The following ALOX5 variants were observed in gnomAD, a reference collection of about 807,000 sequenced individuals.
ALOX5 encodes the protein arachidonate 5-lipoxygenase, also known as polyunsaturated fatty acid 5-lipoxygenase.
ALOX5 carries 64 observed loss-of-function variants against 87.9 expected under a neutral mutation model. The observed-to-expected ratio is 0.73, with a 90% CI of 0.60 to 0.90. ALOX5 has a LOEUF of 0.90. ALOX5 is among the 40% of genes least tolerant of loss of function. The pLI is 0.00. For synonymous variants in ALOX5, 388 were observed against 355.1 expected (o/e 1.09, Z -1.04); for missense variants, 822 against 907.5 (o/e 0.91, Z 1.21).
At chr10:45,380,946 T>A (rs1026540266) in intron 1 of ALOX5, among the ~76,000 whole-genome samples, 1 of 152,090 alleles carries the variant, frequency 6.6e-6, no homozygotes, top group Non-Finnish European at 1.5e-5. Flanking sequence ...CACCTCAAAA[T>A]AAAAAAGAAC....
intron 3 of ALOX5, among the ~76,000 whole-genome samples, chr10:45,399,238 G>T (rs1840614988): frequency 6.6e-6 from 1 of 152,112 alleles, no homozygotes; most frequent in Non-Finnish European, 1.5e-5. Context: ...GAAATTTCTG[G>T]AAAAGAAAAA....
rs768722284 is a variant in ALOX5 at position 45,440,649 on chromosome 10, G to A, written c.1185+16G>A. 30 of 1,612,014 alleles carry A rather than the reference G, an allele frequency of 1.9e-5. No individual in the cohort carries two copies. The highest frequency in any genetic ancestry group is 1.7e-4 in the South Asian group (15 of 90,744). ...CATTTTCAAGGTACAGCCAGCTACC[G>A]CCCCACCTGCTATGGGAGGGCATCT... On this transcript the variant is annotated intron_variant, in intron 8 of 13. Coordinates refer to ENST00000374391, the MANE Select transcript of ALOX5 (RefSeq NM_000698.5).
At chr10:45,394,424 C>T (rs1048641855) in intron 2 of ALOX5, among the ~76,000 whole-genome samples, 6 of 152,210 alleles carry the variant, frequency 3.9e-5, no homozygotes, top group Admixed American at 3.9e-4. Flanking sequence ...GAAGCTGGAT[C>T]CCTTCCTTAC....
intron 2 of ALOX5, among the ~76,000 whole-genome samples, chr10:45,395,405 A>G (rs1191143547): frequency 2.0e-5 from 3 of 152,142 alleles, no homozygotes; most frequent in Non-Finnish European, 4.4e-5. Flanking sequence ...GAATTGAACA[A>G]TGAGAACACT....
At chr10:45,442,204 C>T (rs1842258016) in intron 9 of ALOX5, among the ~76,000 whole-genome samples, 1 of 152,234 alleles carries the variant, frequency 6.6e-6, no homozygotes, top group East Asian at 1.9e-4. Context: ...CTCCCTCTTT[C>T]TGTCTCTTTC....
At chr10:45,424,868 A>C (rs1021020813) in intron 5 of ALOX5, 92 bp from the exon 6 acceptor site, 25 of 1,491,864 alleles carry the variant, frequency 1.7e-5, no homozygotes, top group Non-Finnish European at 2.3e-5. Context: ...GAGACCAAGC[A>C]GGGACTCTGC....
intron 1 of ALOX5, among the ~76,000 whole-genome samples, chr10:45,382,014 GT>G (rs1308224320): frequency 1.3e-5 from 2 of 152,258 alleles, no homozygotes; most frequent in African/African-American, 4.8e-5. Context: ...TTTAATACAA[GT>G]TGTACGTGGC....
At chr10:45,394,654 C>A (rs1360129286) in intron 2 of ALOX5, among the ~76,000 whole-genome samples, 1 of 152,194 alleles carries the variant, frequency 6.6e-6, no homozygotes, top group East Asian at 1.9e-4. Flanking sequence ...AAACTACCAT[C>A]AGAGTGAACA....
intron 3 of ALOX5, among the ~76,000 whole-genome samples, chr10:45,409,173 C>G (rs1029317633): frequency 6.6e-6 from 1 of 152,240 alleles, no homozygotes; most frequent in East Asian, 1.9e-4. Context: ...ACCAATCTGG[C>G]TGTTTCTGTA....
intron 7 of ALOX5, among the ~76,000 whole-genome samples, chr10:45,438,228 G>A (rs1455040764): frequency 6.6e-6 from 1 of 151,852 alleles, no homozygotes; most frequent in African/African-American, 2.4e-5. Flanking sequence ...GGGTGAGAGT[G>A]GACATCCTTG....
rs577537482 is a variant in ALOX5, at chr10:45,403,940, GC to G, written c.431+8006del. The stretch of plus-strand genomic sequence containing the variant: ...GCAGCCAGTTCTCAGAGCACTTCTG[GC>G]CTGTGAATCTGGGTTAAGATAAAAT... On this transcript the variant is annotated intron_variant, in intron 3 of 13. Transcript: ENST00000374391. 2.1e-3 allele frequency among the ~76,000 whole-genome samples: 326 copies of G among 152,230 alleles called. 1 individual carries two copies. The highest frequency in any genetic ancestry group is 7.5e-3 in the African/African-American group (310 of 41,516).
At chr10:45,394,926 C>G (rs1165982466) in intron 2 of ALOX5, among the ~76,000 whole-genome samples, 7 of 152,158 alleles carry the variant, frequency 4.6e-5, no homozygotes, top group African/African-American at 1.7e-4. Flanking sequence ...ACACCAGTTA[C>G]AATGGCAATC....
chr10:45,430,426 T>A lies in ALOX5; in HGVS notation c.981+1662T>A, dbSNP rs531647251. 2.7e-5 allele frequency among the ~76,000 whole-genome samples: 4 copies of A among 147,930 alleles called. No individual in the cohort carries two copies. The South Asian group carries it at 8.6e-4, about 32-fold the overall frequency. ...CATGAGGCTGATGGAAAAAAAGAGA[T>A]AGAAAAAAAAAATGCAAGATTCGGA... On this transcript the variant is annotated intron_variant, in intron 7 of 13. Coordinates refer to ENST00000374391, the MANE Select transcript of ALOX5 (RefSeq NM_000698.5).
At chr10:45,401,872 G>A (rs1429766368) in intron 3 of ALOX5, among the ~76,000 whole-genome samples, 1 of 152,088 alleles carries the variant, frequency 6.6e-6, no homozygotes, top group African/African-American at 2.4e-5. Context: ...GGATCACCAG[G>A]TCAGGAGATC....
rs576448380 is a variant in ALOX5, at chr10:45,404,255, A to G, written c.432-7936A>G. Among the ~76,000 whole-genome samples, 6 of 152,282 alleles carry G rather than the reference A, an allele frequency of 3.9e-5. No individual in the cohort carries two copies. In the East Asian group the frequency reaches 5.8e-4, roughly 15 times the overall value. Reference sequence around the variant, plus strand: ...CACTGAACTTTGCACTGTCTGCACAATCTTGGAGTTCCTCTTTCTCAGAAG... The same window carrying G: ...CACTGAACTTTGCACTGTCTGCACAGTCTTGGAGTTCCTCTTTCTCAGAAG... On this transcript the variant is annotated intron_variant, in intron 3 of 13. Transcript: ENST00000374391.
chr10:45,418,133 T>C (rs1841361950), intron 4 of ALOX5, among the ~76,000 whole-genome samples: 1 of 152,142 alleles, frequency 6.6e-6, no homozygotes, highest in South Asian at 2.1e-4. Context: ...ACCGCCTCTG[T>C]GCTGGCACAG....
intron 3 of ALOX5, among the ~76,000 whole-genome samples, chr10:45,401,208 A>G (rs1300979498): frequency 2.0e-5 from 3 of 152,206 alleles, no homozygotes; most frequent in African/African-American, 2.4e-5. Context: ...CCAAGGGAAG[A>G]AAGTGGAAGG....
chr10:45,384,498 G>A (rs1231044517), intron 2 of ALOX5, among the ~76,000 whole-genome samples: 1 of 152,202 alleles, frequency 6.6e-6, no homozygotes, highest in East Asian at 1.9e-4. Flanking sequence ...AGCTGAAGGG[G>A]GCTGGGCCTT....
chr10:45,434,710 C>T (rs1010578685), intron 7 of ALOX5, among the ~76,000 whole-genome samples: 2 of 152,222 alleles, frequency 1.3e-5, no homozygotes, highest in African/African-American at 2.4e-5. Context: ...GACACAAGGA[C>T]GCAGTGTCAC....
Sources: allele counts gnomAD v4.1 joint callset (sites outside exome capture counted in the v4.1 genomes callset), GRCh38; gene constraint gnomAD v4.1.1; transcripts MANE v1.5; gene names NCBI Gene and HGNC (gene_info 2026-07-23, HGNC 2026-07-21).